The following ABTB3 variants were observed in gnomAD, a reference collection of about 807,000 sequenced individuals.
ABTB3 encodes ankyrin repeat- and BTB/POZ domain-containing protein 3.
At chr12:107,321,108 A>T in the ABTB3 span, among the ~76,000 whole-genome samples, 1 of 152,314 alleles carries the variant, frequency 6.6e-6, no homozygotes, top group Non-Finnish European at 1.5e-5. Flanking sequence ...GTAGAAACGT[A>T]ACTGGAGACT....
At chr12:107,430,195 C>A in the ABTB3 span, among the ~76,000 whole-genome samples, 1 of 152,296 alleles carries the variant, frequency 6.6e-6, no homozygotes, top group African/African-American at 2.4e-5. Context: ...GTCTTATATT[C>A]CATCTCTCTC....
At chr12:107,388,237 G>A in the ABTB3 span, among the ~76,000 whole-genome samples, 1 of 152,008 alleles carries the variant, frequency 6.6e-6, no homozygotes, top group Admixed American at 6.6e-5. Context: ...CTCCCAAAGT[G>A]CTGGGATTAC....
the ABTB3 span, among the ~76,000 whole-genome samples, chr12:107,501,888 G>A: frequency 9.9e-5 from 15 of 152,208 alleles, no homozygotes; most frequent in Middle Eastern, 3.4e-3. Flanking sequence ...TGATGTGTTG[G>A]GGTCAGGCTT....
the ABTB3 span, chr12:107,320,129 C>A: frequency 1.5e-6 from 2 of 1,365,144 alleles, no homozygotes; most frequent in East Asian, 2.7e-5. Flanking sequence ...CAACTCTTGG[C>A]GCAAGTTTGC....
At chr12:107,504,044 C>A in the ABTB3 span, among the ~76,000 whole-genome samples, 1 of 152,158 alleles carries the variant, frequency 6.6e-6, no homozygotes, top group Non-Finnish European at 1.5e-5. Flanking sequence ...GGGCTGTGTG[C>A]TCCCTTCCCC....
chr12:107,568,760 G>T, the ABTB3 span, among the ~76,000 whole-genome samples: 1 of 152,076 alleles, frequency 6.6e-6, no homozygotes, highest in Non-Finnish European at 1.5e-5. Context: ...TCAAAATATG[G>T]TACTATTATT....
the ABTB3 span, among the ~76,000 whole-genome samples, chr12:107,407,770 CAGA>C: frequency 6.6e-6 from 1 of 152,138 alleles, no homozygotes; most frequent in African/African-American, 2.4e-5. Flanking sequence ...TGAGAACCCC[CAGA>C]AGATCATTGT....
chr12:107,399,662 A>T, the ABTB3 span, among the ~76,000 whole-genome samples: 4 of 152,164 alleles, frequency 2.6e-5, no homozygotes, highest in Non-Finnish European at 4.4e-5. Context: ...CATGCTTTAC[A>T]TATTTTTTAA....
chr12:107,333,691 AT>A, the ABTB3 span, among the ~76,000 whole-genome samples: 1 of 152,254 alleles, frequency 6.6e-6, no homozygotes, highest in African/African-American at 2.4e-5. Flanking sequence ...AGCCTACTAT[AT>A]ACCAGGTATG....
At chr12:107,532,246 GC>G in the ABTB3 span, among the ~76,000 whole-genome samples, 3 of 152,186 alleles carry the variant, frequency 2.0e-5, no homozygotes, top group Non-Finnish European at 4.4e-5. Flanking sequence ...CCCAACCAGG[GC>G]CCACTGCCAC....
chr12:107,544,586 G>A, the ABTB3 span, among the ~76,000 whole-genome samples: 1 of 152,218 alleles, frequency 6.6e-6, no homozygotes, highest in African/African-American at 2.4e-5. Flanking sequence ...CCAGGGAGAG[G>A]CAGTGTGACT....
At chr12:107,616,990 G>A in the ABTB3 span, 2 of 1,221,080 alleles carry the variant, frequency 1.6e-6, no homozygotes, top group Non-Finnish European at 1.2e-6. Context: ...TAGAGGGAGG[G>A]AAGGAGTGCT....
At chr12:107,561,819 G>A in the ABTB3 span, among the ~76,000 whole-genome samples, 1 of 152,070 alleles carries the variant, frequency 6.6e-6, no homozygotes, top group East Asian at 1.9e-4. Flanking sequence ...AGAATCCCCT[G>A]AAACTGCCCT....
the ABTB3 span, among the ~76,000 whole-genome samples, chr12:107,575,296 C>A: frequency 6.6e-6 from 1 of 152,094 alleles, no homozygotes; most frequent in South Asian, 2.1e-4. Context: ...CCTTTTCCTG[C>A]ACCTGGCAGG....
the ABTB3 span, among the ~76,000 whole-genome samples, chr12:107,454,638 C>T: frequency 6.6e-6 from 1 of 152,068 alleles, no homozygotes; most frequent in African/African-American, 2.4e-5. Flanking sequence ...GTGCAGTGGG[C>T]ATTGGCCAGA....
At chr12:107,472,566 G>C in the ABTB3 span, among the ~76,000 whole-genome samples, 1 of 152,220 alleles carries the variant, frequency 6.6e-6, no homozygotes, top group Non-Finnish European at 1.5e-5. Flanking sequence ...CCAGGAAACA[G>C]AACTTCTCTC....
At chr12:107,532,741 A>G in the ABTB3 span, among the ~76,000 whole-genome samples, 1 of 152,234 alleles carries the variant, frequency 6.6e-6, no homozygotes, top group Admixed American at 6.5e-5. Flanking sequence ...GTCAAATGTC[A>G]AAGACACAGA....
the ABTB3 span, among the ~76,000 whole-genome samples, chr12:107,377,670 T>C: frequency 0.92 from 140,670 of 152,192 alleles, 65,133 homozygotes; most frequent in African/African-American, 0.97. Context: ...GCTGAGCTAC[T>C]GTAAACATAC....
At chr12:107,494,882 A>G in the ABTB3 span, among the ~76,000 whole-genome samples, 1 of 152,158 alleles carries the variant, frequency 6.6e-6, no homozygotes, top group African/African-American at 2.4e-5. Flanking sequence ...TCTTAATCAA[A>G]GCACGGCAAG....
Sources: allele counts gnomAD v4.1 joint callset (sites outside exome capture counted in the v4.1 genomes callset), GRCh38; gene constraint gnomAD v4.1.1; transcripts MANE v1.5; gene names NCBI Gene and HGNC (gene_info 2026-07-23, HGNC 2026-07-21).